Variants in ZMYM4 observed in about 807,000 individuals in gnomAD.
ZMYM4 encodes the protein zinc finger MYM-type containing 4, also known as zinc finger MYM-type protein 4.
A neutral mutation model predicts 183.2 loss-of-function variants in ZMYM4; 31 were observed. The observed-to-expected ratio is 0.17, with a 90% CI of 0.13 to 0.23. The LOEUF is 0.23. Ranked by LOEUF, ZMYM4 falls within the 10% of genes least tolerant of loss-of-function variation. The pLI is 1.00. For missense variants in ZMYM4, 1,273 were observed against 1,840.3 expected, an observed-to-expected ratio of 0.69 and a Z score of 5.64; for synonymous variants, 592 against 631.2, an observed-to-expected ratio of 0.94 and a Z score of 0.93.
intron 15 of ZMYM4, 150 bp downstream of exon 15, chr1:35,390,248 T>A: frequency 1.2e-6 from 1 of 856,216 alleles, no homozygotes; most frequent in South Asian, 2.8e-5. Context: ...TTAGCTTTTT[T>A]TGTTGAACAC....
chr1:35,370,264 G>A (rs758355410), intron 6 of ZMYM4, 108 bp from the exon 7 acceptor site: 31 of 1,444,164 alleles, frequency 2.1e-5, no homozygotes, highest in Non-Finnish European at 2.7e-5. Flanking sequence ...TGGGTTTCAA[G>A]ACTAGTTCTA....
intron 2 of ZMYM4, among the ~76,000 whole-genome samples, chr1:35,357,564 C>T (rs1643863896): frequency 6.6e-6 from 1 of 152,060 alleles, no homozygotes; most frequent in Admixed American, 6.6e-5. Context: ...GAACTAGGTG[C>T]TAAGTGGAAA....
At chr1:35,380,987 A>C (rs571978461) in intron 7 of ZMYM4, among the ~76,000 whole-genome samples, 2 of 152,326 alleles carry the variant, frequency 1.3e-5, no homozygotes, top group Non-Finnish European at 2.9e-5. Context: ...ATGAATGCTA[A>C]TCATTTGATG....
In ZMYM4 at chr1:35,351,465, A is replaced by T. The variant is rs1329786593; in HGVS notation, c.86-7460A>T. On this transcript the variant is annotated intron_variant, in intron 2 of 29. Transcript: ENST00000314607. The stretch of plus-strand genomic sequence containing the variant: ...GAAAGCTCATGCTGCTATACGAGAG[A>T]ATCCAGTCTATGAAAAGAAGCCCAA... The T allele has an allele frequency of 1.9e-6, 3 of 1,568,296 alleles. No homozygotes were observed. In the African/African-American group the frequency reaches 4.1e-5, roughly 21 times the overall value.
chr1:35,367,828 T>C (rs1387224571), intron 5 of ZMYM4, among the ~76,000 whole-genome samples: 1 of 151,774 alleles, frequency 6.6e-6, no homozygotes, highest in Non-Finnish European at 1.5e-5. Context: ...ATACAAAAAT[T>C]AGCCGGGTGT....
chr1:35,301,254 T>A (rs1338402634), intron 1 of ZMYM4, among the ~76,000 whole-genome samples: 9 of 152,136 alleles, frequency 5.9e-5, no homozygotes, highest in Admixed American at 2.6e-4. Context: ...TTAGAAGGTC[T>A]TTTCCTTCTG....
In ZMYM4 at chr1:35,369,403, A is replaced by C. The variant is rs151176665; in HGVS notation, c.841-626A>C. Among the ~76,000 whole-genome samples, 7 of 152,250 alleles carry C rather than the reference A, an allele frequency of 4.6e-5. No individual in the cohort carries two copies. The East Asian group carries it at 1.2e-3, about 25-fold the overall frequency. ...AGCATTCTTTTAGAATTTTCAGACT[A>C]TGTAGACCTCAGGGATTCTTGGACT... On this transcript the variant is annotated intron_variant, in intron 5 of 29. Coordinates refer to ENST00000314607, the MANE Select transcript of ZMYM4 (RefSeq NM_005095.3).
chr1:35,338,855 T>G (rs1462984339), intron 2 of ZMYM4, among the ~76,000 whole-genome samples: 4 of 152,264 alleles, frequency 2.6e-5, no homozygotes, highest in African/African-American at 9.6e-5. Flanking sequence ...TTCTGAACAA[T>G]AAACTTACCA....
intron 1 of ZMYM4, among the ~76,000 whole-genome samples, chr1:35,276,859 C>T (rs1194245615): frequency 2.0e-5 from 3 of 152,210 alleles, no homozygotes; most frequent in East Asian, 1.9e-4. Flanking sequence ...CACCCGCCTC[C>T]GCCTCCCAAA....
chr1:35,418,411 A>G (rs1490486780), intron 28 of ZMYM4, 32 bp from the exon 29 acceptor site: 6 of 1,608,888 alleles, frequency 3.7e-6, no homozygotes, highest in Non-Finnish European at 5.1e-6. Context: ...CTTTTCTAAT[A>G]TAATCCTTTG....
chr1:35,301,856 CTG>C (rs1185001612), intron 1 of ZMYM4, among the ~76,000 whole-genome samples: 1 of 152,168 alleles, frequency 6.6e-6, no homozygotes, highest in African/African-American at 2.4e-5. Flanking sequence ...TAGGTTCACT[CTG>C]TATGCTATGT....
chr1:35,350,072 C>T (rs1361273968), intron 2 of ZMYM4, among the ~76,000 whole-genome samples: 1 of 151,556 alleles, frequency 6.6e-6, no homozygotes, highest in African/African-American at 2.4e-5. Flanking sequence ...AAGTGATCCT[C>T]CTGCCTCAGC....
intron 5 of ZMYM4, among the ~76,000 whole-genome samples, chr1:35,367,243 G>A (rs1644106478): frequency 6.6e-6 from 1 of 151,218 alleles, no homozygotes; most frequent in Non-Finnish European, 1.5e-5. Context: ...TTAAAAGACA[G>A]AGTTTCACTC....
At chr1:35,333,429 G>A (rs780562593) in intron 2 of ZMYM4, among the ~76,000 whole-genome samples, 22 of 152,036 alleles carry the variant, frequency 1.4e-4, no homozygotes, top group Middle Eastern at 6.8e-3. Flanking sequence ...CTAATTTTTT[G>A]TATTTTTAAT....
At chr1:35,315,231 T>TA (rs1283770671) in intron 1 of ZMYM4, among the ~76,000 whole-genome samples, 2 of 152,140 alleles carry the variant, frequency 1.3e-5, no homozygotes, top group African/African-American at 2.4e-5. Context: ...ACTCAAAAGA[T>TA]ACGTTTTGCA....
chr1:35,328,426 G>A (rs1013627905), intron 2 of ZMYM4, among the ~76,000 whole-genome samples: 2 of 149,710 alleles, frequency 1.3e-5, no homozygotes, highest in Admixed American at 6.7e-5. Context: ...GACTATAGAT[G>A]TGATCACCAT....
chr1:35,301,975 GA>G (rs907651109), intron 1 of ZMYM4, among the ~76,000 whole-genome samples: 1 of 152,116 alleles, frequency 6.6e-6, no homozygotes, highest in Non-Finnish European at 1.5e-5. Context: ...TCCAATGCCT[GA>G]AAAATTTACT....
chr1:35,365,190 T>G (rs947172621), intron 5 of ZMYM4, among the ~76,000 whole-genome samples: 2 of 149,252 alleles, frequency 1.3e-5, no homozygotes, highest in African/African-American at 4.9e-5. Context: ...ATTTAGTTAC[T>G]CAAGCCCTCA....
chr1:35,294,303 A>T (rs1366878136), intron 1 of ZMYM4, among the ~76,000 whole-genome samples: 1 of 152,188 alleles, frequency 6.6e-6, no homozygotes, highest in African/African-American at 2.4e-5. Flanking sequence ...GTGGTATATC[A>T]TGTTCCTGGA....
Sources: allele counts gnomAD v4.1 joint callset (sites outside exome capture counted in the v4.1 genomes callset), GRCh38; gene constraint gnomAD v4.1.1; transcripts MANE v1.5; gene names NCBI Gene and HGNC (gene_info 2026-07-23, HGNC 2026-07-21).